Variants in VWA5B1 observed in about 807,000 individuals in gnomAD.
VWA5B1 encodes von Willebrand factor A domain containing 5B1.
A neutral mutation model predicts 118.2 loss-of-function variants in VWA5B1; 115 were observed. That is an observed-to-expected ratio of 0.97 (90% CI 0.84 to 1.14). The LOEUF is 1.14. Among genes scored for constraint, VWA5B1 ranks in the 50% most tolerant of loss-of-function variants. The pLI is 0.00. For synonymous variants in VWA5B1, 682 were observed against 658.4 expected (o/e 1.04, Z -0.55); for missense variants, 1,596 against 1,603.8 (o/e 1.00, Z 0.08).
At chr1:20,307,857 A>G (rs1312853355) in intron 1 of VWA5B1, among the ~76,000 whole-genome samples, 5 of 142,840 alleles carry the variant, frequency 3.5e-5, no homozygotes, top group African/African-American at 1.4e-4. Context: ...ATTTGCGTGC[A>G]TGTGTGTGTA....
chr1:20,342,646 AG>A (rs2089907150), intron 15 of VWA5B1, 37 bp downstream of exon 15: 1 of 1,442,898 alleles, frequency 6.9e-7, no homozygotes. Flanking sequence ...AACTGGGGAC[AG>A]GGAGGAATCA....
At chr1:20,342,987 G>T (rs927467910) in intron 15 of VWA5B1, 92 bp from the exon 16 acceptor site, 3 of 1,450,292 alleles carry the variant, frequency 2.1e-6, no homozygotes, top group African/African-American at 2.9e-5. Flanking sequence ...TTGCTTAGAA[G>T]TGTCTGCTCC....
At position 20,358,381 on chromosome 1, in the gene VWA5B1, C is replaced by T. The variant is rs1261285873; in HGVS notation, c.*4118C>T. ...CTGACTTGCCCTCTGTTAATCCCTA[C>T]CCTTATTTGAGGGCCATGCTACTGT... On this transcript the variant is annotated 3_prime_UTR_variant, in exon 22 of 22. Transcript: ENST00000289815. Among the ~76,000 whole-genome samples the T allele has an allele frequency of 6.6e-6, 1 of 152,200 alleles. No homozygotes were observed. The highest frequency in any genetic ancestry group is 1.5e-5 in the Non-Finnish European group (1 of 68,034).
At chr1:20,312,391 A>G (rs548290107) in intron 2 of VWA5B1, among the ~76,000 whole-genome samples, 2 of 152,310 alleles carry the variant, frequency 1.3e-5, no homozygotes, top group African/African-American at 4.8e-5. Flanking sequence ...GGCCTAGAGA[A>G]GCTAAGTGTC....
At chr1:20,306,270 T>C (rs1467925823) in intron 1 of VWA5B1, among the ~76,000 whole-genome samples, 1 of 151,772 alleles carries the variant, frequency 6.6e-6, no homozygotes, top group Non-Finnish European at 1.5e-5. Context: ...AGCACGTGCA[T>C]GTCTAGAGGC....
chr1:20,320,116 G>A (rs1396057846), intron 7 of VWA5B1, among the ~76,000 whole-genome samples: 1 of 152,224 alleles, frequency 6.6e-6, no homozygotes, highest in African/African-American at 2.4e-5. Flanking sequence ...CCTGCACACT[G>A]AGCCAGGTCC....
chr1:20,318,695 C>T lies in VWA5B1; in HGVS notation c.815C>T (p.Pro272Leu). The change falls in exon 6 of 22, where the codon CCT becomes CTT. Residue 272 changes from proline (P) to leucine (L), a missense_variant. Pro to Leu is a moderately conservative substitution (Grantham distance 98). Coordinates refer to ENST00000289815, the MANE Select transcript of VWA5B1 (RefSeq NM_001039500.3). ...GCCAACAAGCACACCTTTGACCGGC[C>T]TGTGGAGATCCTCATCCACCCCAGC... Reference protein sequence around the residue: ...TLANKHTFDRPVEILIHPSEP... With the variant: ...TLANKHTFDRLVEILIHPSEP... 6.6e-7 allele frequency: 1 copy of T among 1,523,690 alleles called. No individual in the cohort carries two copies. The allele number at this position is 1,523,690 out of a possible 1,614,324, so 94.4% of individuals were successfully genotyped here. A position where few individuals can be genotyped will look rare whatever the true frequency, so the allele number is the denominator to read the frequency against.
chr1:20,323,451 C>A lies in VWA5B1; in HGVS notation c.1062C>A (p.Cys354Ter). 1 of 1,537,908 alleles carries A rather than the reference C, an allele frequency of 6.5e-7. No homozygotes were observed. The highest frequency in any genetic ancestry group is 1.2e-5 in the South Asian group (1 of 81,490). Residue 354 changes from cysteine to a stop codon, truncating the protein, a stop_gained, in exon 8 of 22, where the codon TGC becomes TGA. Coordinates refer to ENST00000289815, the MANE Select transcript of VWA5B1 (RefSeq NM_001039500.3). LOFTEE classifies it high-confidence loss of function. ...FCPDLQSVQP[C>*]LRKAHGEFIF... ...CCGACCTCCAGTCAGTCCAGCCGTG[C>A]CTGAGAAAGGCCCACGGGGAGTTCA...
chr1:20,323,103 C>T (rs2089272377), intron 7 of VWA5B1: 1 of 334,310 alleles, frequency 3.0e-6, no homozygotes, highest in African/African-American at 2.1e-5. Flanking sequence ...AGGGACTCAC[C>T]CCCATATCAC....
intron 7 of VWA5B1, 108 bp downstream of exon 7, chr1:20,319,614 C>A: frequency 6.8e-7 from 1 of 1,468,418 alleles, no homozygotes. Context: ...CGAGGTCATC[C>A]AGCAAGCTGG....
In VWA5B1 at chr1:20,351,807, A is replaced by C. The variant is rs569621256; in HGVS notation, c.3024-248A>C. Among the ~76,000 whole-genome samples the C allele has an allele frequency of 7.2e-5, 11 of 152,346 alleles. 1 individual carries two copies. The South Asian group carries it at 2.3e-3, about 32-fold the overall frequency. ...AGGTGACAGAGTGAGATCCTGTCTC[A>C]GAAACAAAACAAAAGAGGGTCATCA... On this transcript the variant is annotated intron_variant, in intron 20 of 21. Transcript: ENST00000289815.
intron 7 of VWA5B1, among the ~76,000 whole-genome samples, chr1:20,321,653 T>G (rs979913327): frequency 6.6e-6 from 1 of 150,862 alleles, no homozygotes; most frequent in African/African-American, 2.4e-5. Context: ...TGATCATGAG[T>G]AGTAGGTGCT....
intron 1 of VWA5B1, among the ~76,000 whole-genome samples, chr1:20,307,381 C>T (rs891850302): frequency 1.3e-5 from 2 of 152,194 alleles, no homozygotes; most frequent in African/African-American, 2.4e-5. Context: ...TGGGGATGGC[C>T]CTGGGCCCCT....
intron 3 of VWA5B1, 25 bp downstream of exon 3, chr1:20,313,013 C>A: frequency 6.5e-7 from 1 of 1,546,464 alleles, no homozygotes. Flanking sequence ...AGGGCTGCCG[C>A]GGGACCTGGG....
intron 8 of VWA5B1, among the ~76,000 whole-genome samples, chr1:20,326,801 G>A (rs1570143340): frequency 6.6e-6 from 1 of 151,978 alleles, no homozygotes; most frequent in Non-Finnish European, 1.5e-5. Flanking sequence ...GCAATCCAGG[G>A]CAATTCCTTA....
chr1:20,352,204 C>G (rs927686631), intron 21 of VWA5B1, 32 bp downstream of exon 21: 2 of 1,495,638 alleles, frequency 1.3e-6, no homozygotes, highest in Non-Finnish European at 1.8e-6. Context: ...GTCAGTCTCC[C>G]TCCGCTCCAC....
chr1:20,294,794 G>A (rs1442542725), intron 1 of VWA5B1, among the ~76,000 whole-genome samples: 1 of 152,194 alleles, frequency 6.6e-6, no homozygotes, highest in African/African-American at 2.4e-5. Context: ...TCTCCATGTT[G>A]GTCTGGCTGG....
chr1:20,349,509 G>A (rs1331467554), intron 18 of VWA5B1, among the ~76,000 whole-genome samples: 1 of 151,862 alleles, frequency 6.6e-6, no homozygotes, highest in Non-Finnish European at 1.5e-5. Context: ...TCAGCCTCCC[G>A]AGTAGCTGAG....
Position 20,332,771 on chromosome 1 carries a change from C to A in VWA5B1, c.1578C>A (p.Val526=). The A allele has an allele frequency of 1.3e-6, 2 of 1,551,578 alleles. No homozygotes were observed. The highest frequency in any genetic ancestry group is 2.4e-5 in the South Asian group (2 of 84,026). ...MEGERLQPKM[V]KSLKKAMAPV... ...ATTCTGACCCTGCCCTACAGATGGT[C>A]AAATCCTTGAAGAAGGCCATGGCCC... Residue 526 remains valine (V), a synonymous_variant, in exon 12 of 22, where the codon GTC becomes GTA. Transcript: ENST00000289815.
Sources: gnomAD v4.1 joint callset for allele counts (sites outside exome capture counted in the v4.1 genomes callset) on GRCh38, gnomAD v4.1.1 for gene constraint, MANE v1.5 for transcripts, NCBI Gene and HGNC (gene_info 2026-07-23, HGNC 2026-07-21) for gene names.